The following RBM27 variants were observed in gnomAD, a reference collection of about 807,000 sequenced individuals.
RBM27 encodes the protein RNA binding motif protein 27.
In RBM27, 22 loss-of-function variants were observed where a neutral mutation model predicts 135.3. That is an observed-to-expected ratio of 0.16 (90% confidence interval 0.12 to 0.23). The LOEUF (loss-of-function observed/expected upper bound fraction) is 0.23. Among genes scored for constraint, RBM27 ranks in the 10% least tolerant of loss-of-function variants. RBM27 has a pLI of 1.00. For missense variants in RBM27, 1,009 were observed against 1,281.0 expected, an observed-to-expected ratio of 0.79 and a Z score of 3.24; for synonymous variants, 481 against 442.4, an observed-to-expected ratio of 1.09 and a Z score of -1.10.
intron 1 of RBM27, 132 bp downstream of exon 1, chr5:146,203,956 T>A (rs558961633): frequency 1.1e-6 from 1 of 886,484 alleles, no homozygotes; most frequent in Non-Finnish European, 1.6e-6. Flanking sequence ...ACGCCTTCCC[T>A]GTAGTACTAT....
rs544702990 is a variant in RBM27 at position 146,227,355 on chromosome 5, C to A, written c.304-1591C>A. On this transcript the variant is annotated intron_variant, in intron 3 of 20. Coordinates refer to ENST00000265271, the MANE Select transcript of RBM27 (RefSeq NM_018989.2). ...GCATCCCAGTGGAATAATACATCCT[C>A]TGTATTTCCTGTGAATTAGGATAGA... Among the ~76,000 whole-genome samples, 3 of 152,306 alleles carry A rather than the reference C, an allele frequency of 2.0e-5. No individual in the cohort carries two copies. The South Asian group carries it at 6.2e-4, about 32-fold the overall frequency.
intron 8 of RBM27, among the ~76,000 whole-genome samples, chr5:146,239,472 CTTTTTTTTTTTT>C (rs916182587): frequency 3.6e-5 from 2 of 55,360 alleles, no homozygotes; most frequent in Non-Finnish European, 7.1e-5. Context: ...TTTTCCTTTT[CTTTTTTTTTTTT>C]TTTTTTTTTT....
At chr5:146,261,367 G>GTACAT in intron 12 of RBM27, 143 bp from the exon 13 acceptor site, 1 of 717,206 alleles carries the variant, frequency 1.4e-6, no homozygotes, top group Non-Finnish European at 2.3e-6. Context: ...CATCCTAAAA[G>GTACAT]CTCTATCTCT....
rs1245926745 is a variant in RBM27, at chr5:146,287,576, A to T, written c.*1546A>T. The T allele has an allele frequency of 2.0e-5, 3 of 152,150 alleles. No homozygotes were observed. The highest frequency in any genetic ancestry group is 4.4e-5 in the Non-Finnish European group (3 of 68,022). 9.4% of individuals were successfully genotyped at this position (152,150 alleles called of 1,614,324 possible). Reference sequence around the variant, plus strand: ...GGATTTTGTTTGCTGAGGTAAAGACAATTTCTCAATATAGAAACTATTCAC... The same window carrying T: ...GGATTTTGTTTGCTGAGGTAAAGACTATTTCTCAATATAGAAACTATTCAC... On this transcript the variant is annotated 3_prime_UTR_variant, in exon 21 of 21. Transcript: ENST00000265271.
chr5:146,285,080 A>G (rs1759528129), intron 20 of RBM27, among the ~76,000 whole-genome samples: 1 of 152,178 alleles, frequency 6.6e-6, no homozygotes, highest in Admixed American at 6.6e-5. Context: ...CAAGTTCCAT[A>G]GTAATAGATT....
At chr5:146,241,711 G>A (rs1757415683) in intron 8 of RBM27, among the ~76,000 whole-genome samples, 1 of 151,898 alleles carries the variant, frequency 6.6e-6, no homozygotes, top group African/African-American at 2.4e-5. Context: ...CGCCCGCCTC[G>A]GCTTCCCAAA....
rs564379999 is a variant in RBM27 at position 146,271,973 on chromosome 5, C to A, written c.2988+299C>A. On this transcript the variant is annotated intron_variant, in intron 19 of 20. Coordinates refer to ENST00000265271, the MANE Select transcript of RBM27 (RefSeq NM_018989.2). Reference sequence around the variant, plus strand: ...CATTTATAGTTAATAGTGAAACAGTCTGGGATGGAAGCAAAATTCAAATAA... The same window carrying A: ...CATTTATAGTTAATAGTGAAACAGTATGGGATGGAAGCAAAATTCAAATAA... 3.3e-5 allele frequency among the ~76,000 whole-genome samples: 5 copies of A among 152,286 alleles called. No homozygotes were observed. The East Asian group carries it at 7.7e-4, about 23-fold the overall frequency.
At chr5:146,272,321 A>G (rs1253856994) in intron 19 of RBM27, among the ~76,000 whole-genome samples, 1 of 152,248 alleles carries the variant, frequency 6.6e-6, no homozygotes, top group African/African-American at 2.4e-5. Flanking sequence ...ACAAGTTAAA[A>G]TGTCAACCAC....
At chr5:146,264,672 A>G (rs73793882) in intron 14 of RBM27, among the ~76,000 whole-genome samples, 1 of 151,226 alleles carries the variant, frequency 6.6e-6, no homozygotes, top group Non-Finnish European at 1.5e-5. Context: ...AAAAAAAAAA[A>G]AAAGGGAAAG....
chr5:146,214,444 G>A (rs907818212), intron 1 of RBM27, among the ~76,000 whole-genome samples: 4 of 152,112 alleles, frequency 2.6e-5, no homozygotes, highest in Non-Finnish European at 4.4e-5. Flanking sequence ...TTCAGGAGAG[G>A]GAAGTGATGC....
chr5:146,225,271 T>C, intron 3 of RBM27, among the ~76,000 whole-genome samples: 1 of 152,096 alleles, frequency 6.6e-6, no homozygotes, highest in Non-Finnish European at 1.5e-5. Flanking sequence ...CCCAAGTGTT[T>C]CTTTTTTATA....
intron 3 of RBM27, among the ~76,000 whole-genome samples, chr5:146,228,282 CTTTT>C (rs1043361050): frequency 8.9e-6 from 1 of 111,852 alleles, no homozygotes; most frequent in Non-Finnish European, 1.7e-5. Context: ...ACCATTCTTT[CTTTT>C]TTTTTTTTTT....
In RBM27 at chr5:146,229,741, C is replaced by T. The variant is rs549958493; in HGVS notation, c.420C>T (p.Asp140=). 14 of 1,609,952 alleles carry T rather than the reference C, an allele frequency of 8.7e-6. No individual in the cohort carries two copies. Among genetic ancestry groups the T allele is most frequent in the East Asian group, 4.5e-5 (2 of 44,858 alleles). ...ERRTREKKRE[D]GKWRDYDRYY... ...GGACACGTGAGAAAAAAAGAGAAGA[C>T]GGGAAATGGAGAGACTATGACCGGT... The change falls in exon 5 of 21, where the codon GAC becomes GAT. Residue 140 remains aspartate, a synonymous_variant. Transcript: ENST00000265271.
chr5:146,216,299 C>G (rs1030617418), intron 1 of RBM27, among the ~76,000 whole-genome samples: 1 of 152,180 alleles, frequency 6.6e-6, no homozygotes, highest in Non-Finnish European at 1.5e-5. Flanking sequence ...TGGCCTCCCA[C>G]AGGTGTGAGC....
At chr5:146,281,867 T>G (rs1759365440) in intron 19 of RBM27, among the ~76,000 whole-genome samples, 1 of 152,222 alleles carries the variant, frequency 6.6e-6, no homozygotes, top group Admixed American at 6.5e-5. Context: ...AATCACACAG[T>G]GTATATTCTT....
At chr5:146,284,849 T>G (rs1759518618) in intron 20 of RBM27, 117 bp downstream of exon 20, 2 of 607,292 alleles carry the variant, frequency 3.3e-6, no homozygotes, top group Non-Finnish European at 5.7e-6. Context: ...TGCATGCAAA[T>G]TAAGACCCGT....
chr5:146,225,573 T>G lies in RBM27; in HGVS notation c.303+2046T>G, dbSNP rs58470060. ...TTCTGTTTTTTACCTTTCTGTTTTT[T>G]TTTTTTTTTTTGAGACGGAGTCCGC... On this transcript the variant is annotated intron_variant, in intron 3 of 20. Coordinates refer to ENST00000265271, the MANE Select transcript of RBM27 (RefSeq NM_018989.2). Among the ~76,000 whole-genome samples, 59 of 151,400 alleles carry G rather than the reference T, an allele frequency of 3.9e-4. 1 individual carries two copies. Among genetic ancestry groups the G allele is most frequent in the African/African-American group, 1.4e-3 (58 of 41,366 alleles).
chr5:146,267,053 T>C (rs1210337121), intron 14 of RBM27, among the ~76,000 whole-genome samples: 1 of 152,214 alleles, frequency 6.6e-6, no homozygotes, highest in Non-Finnish European at 1.5e-5. Flanking sequence ...ACTTGTGAAA[T>C]ACCCTCCAGC....
intron 19 of RBM27, among the ~76,000 whole-genome samples, chr5:146,279,998 G>T (rs1759264859): frequency 6.6e-6 from 1 of 151,708 alleles, no homozygotes; most frequent in Admixed American, 6.6e-5. Context: ...TACATACAGG[G>T]CTGCATTCCA....
Sources: allele counts gnomAD v4.1 joint callset (sites outside exome capture counted in the v4.1 genomes callset), GRCh38; gene constraint gnomAD v4.1.1; transcripts MANE v1.5; gene names NCBI Gene and HGNC (gene_info 2026-07-23, HGNC 2026-07-21).